Variants in CNTNAP2 observed in about 807,000 individuals in gnomAD.
CNTNAP2 encodes contactin-associated protein-like 2.
CNTNAP2 carries 98 observed loss-of-function variants against 155.2 expected under a neutral mutation model. The observed-to-expected ratio is 0.63, with a 90% CI of 0.54 to 0.75. The LOEUF is 0.75. CNTNAP2 is among the 30% of genes least tolerant of loss of function. The pLI is 0.00. For missense variants in CNTNAP2, 1,727 were observed against 1,688.1 expected (o/e 1.02, Z -0.40); for synonymous variants, 651 against 631.2 (o/e 1.03, Z -0.47).
At chr7:147,388,797 G>C (rs1439309009) in intron 9 of CNTNAP2, among the ~76,000 whole-genome samples, 3 of 152,102 alleles carry the variant, frequency 2.0e-5, no homozygotes, top group Non-Finnish European at 4.4e-5. Context: ...GGCGAAGCTG[G>C]TCTCAAACTC....
At chr7:146,182,058 CAG>C in intron 1 of CNTNAP2, among the ~76,000 whole-genome samples, 1 of 152,108 alleles carries the variant, frequency 6.6e-6, no homozygotes, top group Middle Eastern at 3.4e-3. Flanking sequence ...AGCTGCAATA[CAG>C]AGTCTCCAGT....
intron 1 of CNTNAP2, among the ~76,000 whole-genome samples, chr7:146,562,977 A>G (rs753300290): frequency 5.3e-5 from 8 of 152,170 alleles, no homozygotes; most frequent in Non-Finnish European, 8.8e-5. Context: ...ATACTCCCCT[A>G]GTTTGTGAGA....
At chr7:146,176,683 A>G (rs1295825931) in intron 1 of CNTNAP2, among the ~76,000 whole-genome samples, 2 of 152,158 alleles carry the variant, frequency 1.3e-5, no homozygotes, top group Non-Finnish European at 2.9e-5. Flanking sequence ...CGGAGATTCA[A>G]TAGAAATGAT....
At chr7:148,220,665 GTGTT>G (rs993017789) in intron 19 of CNTNAP2, among the ~76,000 whole-genome samples, 1 of 150,114 alleles carries the variant, frequency 6.7e-6, no homozygotes, top group Non-Finnish European at 1.5e-5. Context: ...GAACACAAAA[GTGTT>G]TGGTTGGATT....
chr7:147,877,765 G>A (rs1017415311), intron 13 of CNTNAP2, among the ~76,000 whole-genome samples: 2 of 151,850 alleles, frequency 1.3e-5, no homozygotes, highest in Admixed American at 6.6e-5. Context: ...TATCTTTGTT[G>A]TTGTTGTTTT....
Position 147,448,138 on chromosome 7 carries a change from C to A in CNTNAP2, c.1671-37797C>A, listed in dbSNP as rs189364665. Among the ~76,000 whole-genome samples, 3 of 152,070 alleles carry A rather than the reference C, an allele frequency of 2.0e-5. No individual in the cohort carries two copies. In the East Asian group the frequency reaches 5.8e-4, roughly 29 times the overall value. ...TAACAATTAAATTAATGGTGGTGAC[C>A]TTGCAAATGAAAAGTGATATATAGT... On this transcript the variant is annotated intron_variant, in intron 10 of 23. Coordinates refer to ENST00000361727, the MANE Select transcript of CNTNAP2 (RefSeq NM_014141.6).
intron 15 of CNTNAP2, among the ~76,000 whole-genome samples, chr7:148,055,991 A>G (rs1803000166): frequency 1.3e-5 from 2 of 152,166 alleles, no homozygotes; most frequent in Non-Finnish European, 2.9e-5. Flanking sequence ...ATGGCTTCTC[A>G]TGAGAACTCT....
intron 1 of CNTNAP2, among the ~76,000 whole-genome samples, chr7:146,549,583 C>T (rs1270221537): frequency 6.6e-6 from 1 of 152,034 alleles, no homozygotes; most frequent in African/African-American, 2.4e-5. Flanking sequence ...TGCAGCCTCT[C>T]TGTCATAAGG....
chr7:146,494,309 G>A (rs1797182193), intron 1 of CNTNAP2, among the ~76,000 whole-genome samples: 1 of 151,506 alleles, frequency 6.6e-6, no homozygotes, highest in Non-Finnish European at 1.5e-5. Flanking sequence ...ACTCCAGCCT[G>A]GGCCACAGAG....
chr7:146,855,590 G>A (rs1267889845), intron 3 of CNTNAP2, among the ~76,000 whole-genome samples: 1 of 151,728 alleles, frequency 6.6e-6, no homozygotes, highest in Non-Finnish European at 1.5e-5. Flanking sequence ...AGCGTTTATT[G>A]TATGTTAACT....
chr7:146,827,068 T>C (rs2129197709), intron 2 of CNTNAP2, among the ~76,000 whole-genome samples: 1 of 152,088 alleles, frequency 6.6e-6, no homozygotes, highest in African/African-American at 2.4e-5. Context: ...TTCTTATATG[T>C]ATGCAGCTGG....
At chr7:147,148,042 A>G (rs1294535936) in intron 8 of CNTNAP2, among the ~76,000 whole-genome samples, 1 of 152,244 alleles carries the variant, frequency 6.6e-6, no homozygotes, top group East Asian at 1.9e-4. Flanking sequence ...ATAAATACAT[A>G]AAACATTATA....
At chr7:146,835,274 A>G (rs1803594462) in intron 2 of CNTNAP2, among the ~76,000 whole-genome samples, 1 of 152,210 alleles carries the variant, frequency 6.6e-6, no homozygotes, top group African/African-American at 2.4e-5. Context: ...CAGAGGAAAT[A>G]GTCTAAGTTT....
At chr7:147,672,595 G>A (rs1332684723) in intron 13 of CNTNAP2, 2 of 147,516 alleles carry the variant, frequency 1.4e-5, no homozygotes, top group African/African-American at 2.4e-5. Flanking sequence ...AAAGTGATCC[G>A]GGGGGCCTCC....
At chr7:146,842,947 A>AG (rs1165210955) in intron 3 of CNTNAP2, among the ~76,000 whole-genome samples, 1 of 133,380 alleles carries the variant, frequency 7.5e-6, no homozygotes, top group African/African-American at 2.8e-5. Context: ...GGCCTCCCAA[A>AG]GTGCTGGGAT....
chr7:147,471,778 A>G (rs1163188880), intron 10 of CNTNAP2, among the ~76,000 whole-genome samples: 1 of 152,248 alleles, frequency 6.6e-6, no homozygotes, highest in Non-Finnish European at 1.5e-5. Context: ...CTCTCATGGA[A>G]ATTACAGGTC....
Position 146,660,082 on chromosome 7 carries a change from A to G in CNTNAP2, c.98-114189A>G, listed in dbSNP as rs140431996. 1.6e-4 allele frequency among the ~76,000 whole-genome samples: 25 copies of G among 152,358 alleles called. No homozygotes were observed. The East Asian group carries it at 4.6e-3, about 28-fold the overall frequency. On this transcript the variant is annotated intron_variant, in intron 1 of 23. Coordinates refer to ENST00000361727, the MANE Select transcript of CNTNAP2 (RefSeq NM_014141.6). ...AACATACCTCTGGTAATTTAGGGTA[A>G]TAAAGAGGATGCCTTTCTTTTATAT...
At chr7:148,065,850 T>C (rs892511800) in intron 15 of CNTNAP2, among the ~76,000 whole-genome samples, 1 of 152,192 alleles carries the variant, frequency 6.6e-6, no homozygotes, top group Non-Finnish European at 1.5e-5. Context: ...ATACCTTGTT[T>C]TTTGTCACCG....
chr7:148,117,735 C>T (rs1804506599), intron 15 of CNTNAP2, among the ~76,000 whole-genome samples: 1 of 151,902 alleles, frequency 6.6e-6, no homozygotes, highest in Non-Finnish European at 1.5e-5. Context: ...TTCTTAGAGT[C>T]CCATAGGACT....
Sources: gnomAD v4.1 joint callset for allele counts (sites outside exome capture counted in the v4.1 genomes callset) on GRCh38, gnomAD v4.1.1 for gene constraint, MANE v1.5 for transcripts, NCBI Gene and HGNC (gene_info 2026-07-23, HGNC 2026-07-21) for gene names.